The following ACYP2 variants were observed in gnomAD, a reference collection of about 807,000 sequenced individuals.
ACYP2 encodes the protein acylphosphatase 2.
A neutral mutation model predicts 11.2 loss-of-function variants in ACYP2; 12 were observed. The ratio of observed to expected loss-of-function variants is 1.08; its 90% CI spans 0.69 to 1.74. The LOEUF is 1.74. ACYP2 is among the 40% of genes most tolerant of loss of function. The pLI is 0.00. For synonymous variants in ACYP2, 43 were observed against 32.2 expected, an observed-to-expected ratio of 1.33 and a Z score of -1.13; for missense variants, 134 against 101.9, an observed-to-expected ratio of 1.31 and a Z score of -1.35.
chr2:54,173,772 C>G (rs1453304282), intron 6 of ACYP2, among the ~76,000 whole-genome samples: 1 of 152,108 alleles, frequency 6.6e-6, no homozygotes, highest in East Asian at 1.9e-4. Flanking sequence ...GCCAGTTTTT[C>G]CAGCACCATT....
chr2:54,264,362 C>A (rs557648031), intron 6 of ACYP2, among the ~76,000 whole-genome samples: 1 of 152,150 alleles, frequency 6.6e-6, no homozygotes, highest in African/African-American at 2.4e-5. Context: ...AGCTTTTATT[C>A]CTTTATTTGG....
rs568251475 is a variant in ACYP2 at position 54,247,268 on chromosome 2, T to G, written c.405-57420T>G. 3.6e-3 allele frequency among the ~76,000 whole-genome samples: 541 copies of G among 152,316 alleles called. 2 individuals are homozygous for G. The highest frequency in any genetic ancestry group is 0.02 in the Middle Eastern group (6 of 294). On this transcript the variant is annotated intron_variant, in intron 6 of 6. Coordinates refer to ENST00000607452, the MANE Select transcript of ACYP2 (RefSeq NM_001320586.2). ...TTGGCTGTGCATTCTTCCTCCAGCC[T>G]GCCATTGCTGACAAGCCAAGTTTAT...
intron 6 of ACYP2, among the ~76,000 whole-genome samples, chr2:54,179,169 C>G (rs980392812): frequency 7.1e-6 from 1 of 140,634 alleles, no homozygotes; most frequent in African/African-American, 2.7e-5. Context: ...AGAAAAAACT[C>G]AAAGTGCTTT....
chr2:54,036,293 C>G (rs1674897546), intron 2 of ACYP2, among the ~76,000 whole-genome samples: 1 of 152,168 alleles, frequency 6.6e-6, no homozygotes, highest in African/African-American at 2.4e-5. Flanking sequence ...CGGGGTTTCA[C>G]CATGTTGGCA....
At chr2:54,202,325 T>A (rs1572929005) in intron 6 of ACYP2, among the ~76,000 whole-genome samples, 1 of 151,000 alleles carries the variant, frequency 6.6e-6, no homozygotes, top group Admixed American at 6.6e-5. Flanking sequence ...GCCAGGCTGG[T>A]CAAACTCCTG....
chr2:54,100,538 G>A (rs976935991), intron 4 of ACYP2, among the ~76,000 whole-genome samples: 2 of 151,620 alleles, frequency 1.3e-5, no homozygotes, highest in African/African-American at 4.8e-5. Context: ...TGAACTCCTG[G>A]GCTGGAGAGA....
At chr2:54,007,954 T>C (rs1422704285) in intron 2 of ACYP2, among the ~76,000 whole-genome samples, 1 of 152,210 alleles carries the variant, frequency 6.6e-6, no homozygotes, top group African/African-American at 2.4e-5. Flanking sequence ...AAGGTTAAAC[T>C]GTAAACTAAA....
chr2:54,282,391 C>T (rs1253269853), intron 6 of ACYP2, among the ~76,000 whole-genome samples: 1 of 152,176 alleles, frequency 6.6e-6, no homozygotes, highest in African/African-American at 2.4e-5. Flanking sequence ...TGTGTCCTCA[C>T]CCTGCTCCAC....
At chr2:54,180,271 G>A (rs1176852442) in intron 6 of ACYP2, among the ~76,000 whole-genome samples, 2 of 151,800 alleles carry the variant, frequency 1.3e-5, no homozygotes, top group East Asian at 1.9e-4. Flanking sequence ...TTTTAATGGA[G>A]GCTTCATTCA....
chr2:54,022,749 A>C (rs780144396), intron 2 of ACYP2, among the ~76,000 whole-genome samples: 9 of 152,186 alleles, frequency 5.9e-5, no homozygotes, highest in Non-Finnish European at 1.2e-4. Flanking sequence ...CTGACCATTC[A>C]CTGAAGCAGG....
At chr2:54,087,739 G>A (rs1275745942) in intron 4 of ACYP2, among the ~76,000 whole-genome samples, 3 of 152,162 alleles carry the variant, frequency 2.0e-5, no homozygotes, top group Admixed American at 2.0e-4. Flanking sequence ...ATATGGATGG[G>A]TGAATAAGTG....
At chr2:54,158,961 G>C (rs1572869319) in intron 6 of ACYP2, among the ~76,000 whole-genome samples, 1 of 152,080 alleles carries the variant, frequency 6.6e-6, no homozygotes, top group Non-Finnish European at 1.5e-5. Flanking sequence ...GCAAGGGTCA[G>C]CTAACTAAAC....
In ACYP2 at chr2:54,198,146, A is replaced by C. The variant is rs908661974; in HGVS notation, c.404+59398A>C. On this transcript the variant is annotated intron_variant, in intron 6 of 6. Coordinates refer to ENST00000607452, the MANE Select transcript of ACYP2 (RefSeq NM_001320586.2). ...GTGATTCTCCTGCCTTAGCCTCCCA[A>C]GTATCTGGGATTACAGGCCTGCGCC... Among the ~76,000 whole-genome samples the C allele has an allele frequency of 1.2e-4, 19 of 152,098 alleles. 1 individual carries two copies. The highest frequency in any genetic ancestry group is 4.6e-4 in the African/African-American group (19 of 41,462).
In ACYP2 at chr2:54,201,632, C is replaced by CTTT. The variant is rs1190292116; in HGVS notation, c.404+62885_404+62887dup. Among the ~76,000 whole-genome samples the CTTT allele has an allele frequency of 7.0e-4, 52 of 74,364 alleles. 2 individuals carry two copies. Among genetic ancestry groups the CTTT allele is most frequent in the African/African-American group, 2.4e-3 (49 of 20,014 alleles). The allele number at this position is 74,364 out of a possible 152,430, so 48.8% of individuals were successfully genotyped here. A position where few individuals can be genotyped will look rare whatever the true frequency, so the allele number is the denominator to read the frequency against. On this transcript the variant is annotated intron_variant, in intron 6 of 6. Coordinates refer to ENST00000607452, the MANE Select transcript of ACYP2 (RefSeq NM_001320586.2). ...TCTTTCTTTCTTTCTTTGTTTCTTT[C>CTTT]TTTCTCTTTCTTTCTTTCTTTCTTT...
chr2:54,269,156 C>A (rs907855360), intron 6 of ACYP2, among the ~76,000 whole-genome samples: 1 of 152,146 alleles, frequency 6.6e-6, no homozygotes, highest in Admixed American at 6.5e-5. Context: ...CTATGTTGCC[C>A]AGGCTAGTCT....
intron 6 of ACYP2, among the ~76,000 whole-genome samples, chr2:54,183,242 G>A (rs1275427180): frequency 6.6e-6 from 1 of 152,144 alleles, no homozygotes; most frequent in Non-Finnish European, 1.5e-5. Context: ...TTTAATAATT[G>A]TTATACATGT....
At chr2:54,010,389 TAGG>T (rs1001103505) in intron 2 of ACYP2, among the ~76,000 whole-genome samples, 11 of 151,706 alleles carry the variant, frequency 7.3e-5, no homozygotes, top group Non-Finnish European at 1.3e-4. Context: ...GAGGCCGAGA[TAGG>T]AGAATTGCTT....
At chr2:54,030,702 A>G (rs1573559364) in intron 2 of ACYP2, 1 of 179,704 alleles carries the variant, frequency 5.6e-6, no homozygotes, top group East Asian at 1.4e-4. Flanking sequence ...TTACTGGAAG[A>G]CGGCGGTTCC....
intron 6 of ACYP2, chr2:54,267,173 A>G: frequency 2.2e-6 from 2 of 922,742 alleles, no homozygotes; most frequent in Non-Finnish European, 1.6e-6. Context: ...TGTATTATTC[A>G]TGTATTTTTT....
Sources: allele counts gnomAD v4.1 joint callset (sites outside exome capture counted in the v4.1 genomes callset), GRCh38; gene constraint gnomAD v4.1.1; transcripts MANE v1.5; gene names NCBI Gene and HGNC (gene_info 2026-07-23, HGNC 2026-07-21).